EYS: variants seen among roughly 807,000 people sequenced by gnomAD.
The protein encoded by EYS is EGF-like photoreceptor maintenance factor, also known as protein eyes shut homolog.
In EYS, 250 loss-of-function variants were observed where a neutral mutation model predicts 282.1. The ratio of observed to expected loss-of-function variants is 0.89; its 90% CI spans 0.80 to 0.98. EYS has a LOEUF of 0.98. Among genes scored for constraint, EYS ranks in the 50% least tolerant of loss-of-function variants. EYS has a pLI of 0.00. For synonymous variants in EYS, 1,355 were observed against 1,282.9 expected (o/e 1.06, Z -1.20); for missense variants, 4,016 against 3,709.0 (o/e 1.08, Z -2.15).
chr6:64,224,759 A>G (rs1014565156), intron 31 of EYS, among the ~76,000 whole-genome samples: 5 of 152,156 alleles, frequency 3.3e-5, no homozygotes, highest in Non-Finnish European at 7.4e-5. Context: ...TATTCTGCAA[A>G]ATAAATGGAC....
At chr6:65,227,569 C>G (rs1330959845) in intron 12 of EYS, among the ~76,000 whole-genome samples, 2 of 152,020 alleles carry the variant, frequency 1.3e-5, no homozygotes, top group Admixed American at 1.3e-4. Flanking sequence ...AATTCTACTT[C>G]TAGGTATAAA....
At chr6:64,651,149 A>T (rs962020491) in intron 22 of EYS, among the ~76,000 whole-genome samples, 6 of 152,178 alleles carry the variant, frequency 3.9e-5, no homozygotes, top group Non-Finnish European at 8.8e-5. Flanking sequence ...CCTAAAAAAA[A>T]GGTCCACATG....
chr6:65,317,129 T>C (rs1387338748), intron 11 of EYS, among the ~76,000 whole-genome samples: 1 of 152,158 alleles, frequency 6.6e-6, no homozygotes, highest in Non-Finnish European at 1.5e-5. Flanking sequence ...TGATTTTGTC[T>C]TTTTTTAAAT....
At position 64,504,922 on chromosome 6, in the gene EYS, T is replaced by C. The variant is rs955850765; in HGVS notation, c.5645-65570A>G. Among the ~76,000 whole-genome samples, 10 of 152,184 alleles carry C rather than the reference T, an allele frequency of 6.6e-5. 1 individual carries two copies. The highest frequency in any genetic ancestry group is 2.4e-4 in the African/African-American group (10 of 41,450). ...TACTCTGTGGATGAGGAAGGGTCCA[T>C]AATGAACTTAAATTTAAGGCGAACA... On this transcript the variant is annotated intron_variant, in intron 26 of 42. Transcript: ENST00000503581.
chr6:64,344,798 C>A (rs1045406758), intron 29 of EYS, among the ~76,000 whole-genome samples: 1 of 152,042 alleles, frequency 6.6e-6, no homozygotes, highest in Non-Finnish European at 1.5e-5. Context: ...ATCTAGAAAA[C>A]CCCATGGTCT....
intron 1 of EYS, among the ~76,000 whole-genome samples, chr6:65,675,547 G>T (rs1226358671): frequency 2.0e-5 from 3 of 151,838 alleles, no homozygotes; most frequent in African/African-American, 4.8e-5. Flanking sequence ...TTATAAAAGG[G>T]TGAAGTCACT....
At chr6:65,380,827 CA>C (rs1412521138) in intron 8 of EYS, among the ~76,000 whole-genome samples, 1 of 152,004 alleles carries the variant, frequency 6.6e-6, no homozygotes, top group Non-Finnish European at 1.5e-5. Context: ...AGACACCCAT[CA>C]AAAGAAGTCA....
At chr6:64,425,013 G>A (rs775818399) in intron 28 of EYS, among the ~76,000 whole-genome samples, 2 of 152,146 alleles carry the variant, frequency 1.3e-5, no homozygotes, top group African/African-American at 4.8e-5. Flanking sequence ...TACTGAAAAC[G>A]ACACATTATT....
intron 1 of EYS, among the ~76,000 whole-genome samples, chr6:65,704,229 T>C (rs1769788836): frequency 1.3e-5 from 2 of 152,222 alleles, no homozygotes; most frequent in Admixed American, 6.5e-5. Flanking sequence ...ATACAGTGCA[T>C]AGCACATTAC....
intron 12 of EYS, among the ~76,000 whole-genome samples, chr6:65,104,978 A>G (rs1474381137): frequency 6.6e-6 from 1 of 151,672 alleles, no homozygotes; most frequent in Non-Finnish European, 1.5e-5. Flanking sequence ...AATCATGAAA[A>G]TATTTCTGCA....
intron 12 of EYS, among the ~76,000 whole-genome samples, chr6:65,142,548 A>G (rs981407134): frequency 9.3e-5 from 14 of 150,150 alleles, no homozygotes; most frequent in South Asian, 2.1e-4. Context: ...TCTTGATTTC[A>G]TAATAGTACT....
chr6:64,593,121 A>G lies in EYS; in HGVS notation c.3873T>C (p.Asp1291=). Residue 1291 remains aspartate, a synonymous_variant, in exon 25 of 43, where the codon GAT becomes GAC. Transcript: ENST00000503581. ...ATCTTACCCACTTCTACTTACCTTG[A>G]TCAACTGGGTAAGTGTCCATTATGG... ...IPAIMDTYPV[D]QGPKQTGIVK... 6.6e-7 allele frequency: 1 copy of G among 1,516,766 alleles called. No homozygotes were observed. Among genetic ancestry groups the G allele is most frequent in the Non-Finnish European group, 8.8e-7 (1 of 1,134,458 alleles). 94.0% of individuals were successfully genotyped at this position (1,516,766 alleles called of 1,614,324 possible). A position where few individuals can be genotyped will look rare whatever the true frequency, so the allele number is the denominator to read the frequency against.
At chr6:64,684,407 G>C (rs1770012451) in intron 22 of EYS, among the ~76,000 whole-genome samples, 2 of 151,888 alleles carry the variant, frequency 1.3e-5, no homozygotes, top group Admixed American at 6.6e-5. Context: ...ATTCATTTCA[G>C]TGGACCTGCA....
rs547158973 is a variant in EYS at position 64,984,094 on chromosome 6, A to G, written c.2259+13488T>C. Among the ~76,000 whole-genome samples the G allele has an allele frequency of 3.3e-5, 5 of 151,650 alleles. No individual in the cohort carries two copies. In the South Asian group the frequency reaches 1.0e-3, roughly 31 times the overall value. On this transcript the variant is annotated intron_variant, in intron 14 of 42. Transcript: ENST00000503581. ...AAAATCCTGATTCTTATATGATGAA[A>G]TGTGTCCATTATTAAATTTTGAAAA...
At chr6:64,867,856 G>T (rs1179855251) in intron 19 of EYS, among the ~76,000 whole-genome samples, 3 of 151,374 alleles carry the variant, frequency 2.0e-5, no homozygotes, top group Non-Finnish European at 3.0e-5. Flanking sequence ...TATATTTCCT[G>T]GTCTTTTATC....
chr6:64,684,566 T>G (rs1770019407), intron 22 of EYS, among the ~76,000 whole-genome samples: 1 of 115,874 alleles, frequency 8.6e-6, no homozygotes, highest in African/African-American at 2.9e-5. Flanking sequence ...AAAGCAACAA[T>G]TATAACACAT....
chr6:65,154,838 C>A (rs1441453013), intron 12 of EYS, among the ~76,000 whole-genome samples: 3 of 151,412 alleles, frequency 2.0e-5, no homozygotes, highest in African/African-American at 7.3e-5. Context: ...GATTTATTTT[C>A]ATATTTAAAT....
At chr6:64,643,457 C>G (rs769198421) in intron 22 of EYS, among the ~76,000 whole-genome samples, 5 of 152,196 alleles carry the variant, frequency 3.3e-5, no homozygotes, top group African/African-American at 7.2e-5. Context: ...GGTCTATGCT[C>G]TTTGGATGCT....
intron 5 of EYS, among the ~76,000 whole-genome samples, chr6:65,482,560 T>G (rs1363974255): frequency 6.6e-6 from 1 of 152,218 alleles, no homozygotes; most frequent in Admixed American, 6.5e-5. Context: ...TTTCTTTCCA[T>G]GAGCAAAATT....
Sources: allele counts gnomAD v4.1 joint callset (sites outside exome capture counted in the v4.1 genomes callset), GRCh38; gene constraint gnomAD v4.1.1; transcripts MANE v1.5; gene names NCBI Gene and HGNC (gene_info 2026-07-23, HGNC 2026-07-21).